PDE1A: variants seen among roughly 807,000 people sequenced by gnomAD.
The protein encoded by PDE1A is phosphodiesterase 1A.
PDE1A carries 35 observed loss-of-function variants against 61.7 expected under a neutral mutation model. The ratio of observed to expected loss-of-function variants is 0.57; its 90% CI spans 0.43 to 0.75. The LOEUF (loss-of-function observed/expected upper bound fraction) is 0.75. Among genes scored for constraint, PDE1A ranks in the 30% least tolerant of loss-of-function variants. The probability of loss-of-function intolerance (pLI) is 0.00; values close to 1 mark genes in which losing one functional copy is unlikely to be tolerated. For missense variants in PDE1A, 597 were observed against 630.6 expected (o/e 0.95, Z 0.57); for synonymous variants, 232 against 213.2 (o/e 1.09, Z -0.77).
chr2:182,175,352 C>A (rs1692643559), intron 13 of PDE1A, among the ~76,000 whole-genome samples: 1 of 152,124 alleles, frequency 6.6e-6, no homozygotes, highest in Admixed American at 6.6e-5. Flanking sequence ...TCTGTTATTT[C>A]CTGACTTTTT....
intron 1 of PDE1A, among the ~76,000 whole-genome samples, chr2:182,377,970 C>T (rs1439448309): frequency 6.6e-6 from 1 of 152,026 alleles, no homozygotes; most frequent in African/African-American, 2.4e-5. Context: ...CCTCAGCCTC[C>T]TGAGTAGCTG....
chr2:182,203,366 T>C (rs1214697716), intron 8 of PDE1A, among the ~76,000 whole-genome samples: 1 of 152,026 alleles, frequency 6.6e-6, no homozygotes, highest in Non-Finnish European at 1.5e-5. Context: ...TTGCTGAAAA[T>C]CATGAGCACT....
chr2:182,546,101 T>G, the PDE1A span, among the ~76,000 whole-genome samples: 133 of 152,316 alleles, frequency 8.7e-4, no homozygotes, highest in African/African-American at 3.1e-3. Flanking sequence ...CAACCAAAAG[T>G]GTCTCCCCTT....
chr2:182,251,282 T>C (rs185285604), intron 2 of PDE1A, among the ~76,000 whole-genome samples: 1 of 152,254 alleles, frequency 6.6e-6, no homozygotes, highest in East Asian at 1.9e-4. Flanking sequence ...CAAAAAAAGG[T>C]TGGAATTGGG....
chr2:182,246,345 A>C (rs1226207172), intron 2 of PDE1A, among the ~76,000 whole-genome samples: 1 of 151,344 alleles, frequency 6.6e-6, no homozygotes, highest in African/African-American at 2.4e-5. Context: ...CCCAATAGTA[A>C]GCATTTTTCA....
intron 3 of PDE1A, among the ~76,000 whole-genome samples, chr2:182,238,277 A>AAAAAG (rs1690219660): frequency 6.6e-6 from 1 of 150,700 alleles, no homozygotes; most frequent in African/African-American, 2.5e-5. Flanking sequence ...AAAAAAAAAA[A>AAAAAG]AAAAAGAAAA....
At chr2:182,275,983 A>T (rs565990176) in intron 1 of PDE1A, among the ~76,000 whole-genome samples, 3 of 152,248 alleles carry the variant, frequency 2.0e-5, no homozygotes, top group African/African-American at 7.2e-5. Context: ...TAATTTCAAC[A>T]CCTTCAACAT....
intron 2 of PDE1A, among the ~76,000 whole-genome samples, chr2:182,444,853 C>A (rs1685031383): frequency 6.6e-6 from 1 of 152,098 alleles, no homozygotes; most frequent in African/African-American, 2.4e-5. Context: ...TCTTATTCTT[C>A]TTTTTGAATA....
chr2:182,472,476 C>T (rs893012132), intron 2 of PDE1A, among the ~76,000 whole-genome samples: 43 of 151,824 alleles, frequency 2.8e-4, no homozygotes, highest in East Asian at 1.9e-4. Context: ...AAATACTAAA[C>T]GTTCTCCTCA....
At chr2:182,474,117 C>T (rs1178156866) in intron 2 of PDE1A, among the ~76,000 whole-genome samples, 1 of 151,748 alleles carries the variant, frequency 6.6e-6, no homozygotes, top group African/African-American at 2.4e-5. Flanking sequence ...AGTATATAAG[C>T]GTTCTTTAAA....
exon 14 of PDE1A, chr2:182,147,144 C>T: frequency 3.8e-6 from 6 of 1,586,330 alleles, no homozygotes; most frequent in Non-Finnish European, 5.2e-6. Context: ...TTATGAAGAT[C>T]AGATTCACCT....
chr2:182,362,859 T>A (rs1005025057), intron 1 of PDE1A, among the ~76,000 whole-genome samples: 4 of 152,074 alleles, frequency 2.6e-5, no homozygotes, highest in African/African-American at 9.7e-5. Context: ...ATGTGATACA[T>A]ATACACCATG....
chr2:182,252,116 A>C (rs916182505), intron 2 of PDE1A, among the ~76,000 whole-genome samples: 1 of 152,180 alleles, frequency 6.6e-6, no homozygotes, highest in East Asian at 1.9e-4. Flanking sequence ...TAAATGAATA[A>C]AAGTATAGAA....
At chr2:182,485,014 G>C (rs1033200540) in intron 2 of PDE1A, among the ~76,000 whole-genome samples, 4 of 151,844 alleles carry the variant, frequency 2.6e-5, no homozygotes, top group African/African-American at 9.7e-5. Flanking sequence ...TCCATTACTA[G>C]GTATAAACCC....
the PDE1A span, among the ~76,000 whole-genome samples, chr2:182,651,798 A>C: frequency 6.6e-6 from 1 of 152,336 alleles, no homozygotes; most frequent in African/African-American, 2.4e-5. Flanking sequence ...GCATAGCTAG[A>C]AATGTCTTCG....
chr2:182,215,692 T>C (rs1179071971), intron 7 of PDE1A, among the ~76,000 whole-genome samples: 1 of 115,722 alleles, frequency 8.6e-6, no homozygotes, highest in African/African-American at 3.5e-5. Flanking sequence ...CCTCGACACA[T>C]ACACTCTCCC....
intron 2 of PDE1A, among the ~76,000 whole-genome samples, chr2:182,441,577 G>A (rs1055910182): frequency 5.9e-5 from 9 of 151,822 alleles, no homozygotes; most frequent in African/African-American, 1.7e-4. Context: ...AAGAAACAAC[G>A]CCACAACAGT....
chr2:182,507,670 C>T (rs913083357), intron 2 of PDE1A, among the ~76,000 whole-genome samples: 1 of 152,114 alleles, frequency 6.6e-6, no homozygotes. Context: ...ATTACTGCAA[C>T]AGCAAACAAC....
At chr2:182,655,219 C>G in the PDE1A span, among the ~76,000 whole-genome samples, 2 of 152,130 alleles carry the variant, frequency 1.3e-5, no homozygotes, top group East Asian at 3.9e-4. Flanking sequence ...TCTAGTCTCC[C>G]ATAATAAATC....
Sources: allele counts gnomAD v4.1 joint callset (sites outside exome capture counted in the v4.1 genomes callset), GRCh38; gene constraint gnomAD v4.1.1; transcripts MANE v1.5; gene names NCBI Gene and HGNC (gene_info 2026-07-23, HGNC 2026-07-21).